The following PCED1B variants were observed in gnomAD, a reference collection of about 807,000 sequenced individuals.
The protein encoded by PCED1B is PC-esterase domain-containing protein 1B.
For missense variants in PCED1B, 573 were observed against 573.9 expected, an observed-to-expected ratio of 1.00 and a Z score of 0.02; for synonymous variants, 251 against 246.1, an observed-to-expected ratio of 1.02 and a Z score of -0.19.
At chr12:47,113,059 A>G (rs186857157) in intron 2 of PCED1B, among the ~76,000 whole-genome samples, 1 of 152,228 alleles carries the variant, frequency 6.6e-6, no homozygotes, top group Non-Finnish European at 1.5e-5. Context: ...ATTTAAAAAC[A>G]TACACAATCC....
At chr12:47,231,106 A>G (rs1489741791) in intron 3 of PCED1B, among the ~76,000 whole-genome samples, 1 of 152,224 alleles carries the variant, frequency 6.6e-6, no homozygotes, top group East Asian at 1.9e-4. Context: ...AATACTCTGT[A>G]GAGGGGCCGA....
chr12:47,207,963 G>A (rs1942960487), intron 2 of PCED1B, among the ~76,000 whole-genome samples: 1 of 152,014 alleles, frequency 6.6e-6, no homozygotes, highest in Non-Finnish European at 1.5e-5. Context: ...ATCAAGCTCT[G>A]TGAATGACAG....
At position 47,235,049 on chromosome 12, in the gene PCED1B, T is replaced by C; in HGVS notation, c.-15T>C. 6.6e-7 allele frequency: 1 copy of C among 1,521,528 alleles called. No homozygotes were observed. 94.3% of individuals were successfully genotyped at this position (1,521,528 alleles called of 1,614,324 possible). On this transcript the variant is annotated 5_prime_UTR_variant, in exon 4 of 4. Transcript: ENST00000546455. Reference sequence around the variant, plus strand: ...CTGTGCAAAGGAAGGAGCTAGGCTGTGCGCCCTGGGCGTCATGATCCTTCT... The same window carrying C: ...CTGTGCAAAGGAAGGAGCTAGGCTGCGCGCCCTGGGCGTCATGATCCTTCT...
chr12:47,212,236 G>A (rs1004850368), intron 2 of PCED1B, among the ~76,000 whole-genome samples: 3 of 152,084 alleles, frequency 2.0e-5, no homozygotes, highest in Non-Finnish European at 2.9e-5. Flanking sequence ...CTGAGATCAT[G>A]CCACTGCACT....
chr12:47,180,642 T>C (rs1025591932), intron 2 of PCED1B, among the ~76,000 whole-genome samples: 1 of 151,950 alleles, frequency 6.6e-6, no homozygotes, highest in African/African-American at 2.4e-5. Flanking sequence ...AAAGAAACCA[T>C]CATTAGAGTG....
intron 2 of PCED1B, among the ~76,000 whole-genome samples, chr12:47,114,819 T>C (rs939555292): frequency 4.6e-5 from 7 of 152,214 alleles, no homozygotes; most frequent in Non-Finnish European, 8.8e-5. Context: ...ATCATCTTAC[T>C]TCATGACACA....
At chr12:47,218,748 G>C (rs12313110) in intron 3 of PCED1B, among the ~76,000 whole-genome samples, 12,176 of 146,446 alleles carry the variant, frequency 0.083, 1,492 homozygotes, top group African/African-American at 0.28. Flanking sequence ...TCAAGCAATC[G>C]TCCCTCCTTG....
At chr12:47,170,360 C>G (rs1180806970) in intron 2 of PCED1B, among the ~76,000 whole-genome samples, 2 of 152,204 alleles carry the variant, frequency 1.3e-5, no homozygotes, top group African/African-American at 4.8e-5. Context: ...TGCTATTCGG[C>G]AAAACCGCCA....
chr12:47,187,051 TGGGGAG>T (rs775880746), intron 2 of PCED1B, among the ~76,000 whole-genome samples: 5 of 152,138 alleles, frequency 3.3e-5, no homozygotes, highest in Admixed American at 6.6e-5. Context: ...AAATGGCTCT[TGGGGAG>T]GTAGTGGGTA....
At chr12:47,160,643 C>A (rs1269663357) in intron 2 of PCED1B, among the ~76,000 whole-genome samples, 1 of 152,122 alleles carries the variant, frequency 6.6e-6, no homozygotes, top group Non-Finnish European at 1.5e-5. Flanking sequence ...TCCAAGAAAT[C>A]AGTGACAAAT....
At chr12:47,210,405 GATTA>G (rs1183777480) in intron 2 of PCED1B, 7 of 152,194 alleles carry the variant, frequency 4.6e-5, no homozygotes, top group Non-Finnish European at 1.0e-4. Flanking sequence ...TACAATTACA[GATTA>G]ATTAAACTAC....
intron 2 of PCED1B, among the ~76,000 whole-genome samples, chr12:47,127,873 T>G (rs1939958905): frequency 6.6e-6 from 1 of 152,188 alleles, no homozygotes; most frequent in Non-Finnish European, 1.5e-5. Flanking sequence ...TGATTGATAG[T>G]GTTGTTCAAG....
chr12:47,163,844 T>A (rs1385616856), intron 2 of PCED1B, among the ~76,000 whole-genome samples: 1 of 152,064 alleles, frequency 6.6e-6, no homozygotes, highest in Non-Finnish European at 1.5e-5. Flanking sequence ...GCTAAAAACA[T>A]GGTGGAGAAG....
In PCED1B at chr12:47,135,751, C is replaced by T. The variant is rs74083865; in HGVS notation, c.-526+31556C>T. 3 of 531,928 alleles carry T rather than the reference C, an allele frequency of 5.6e-6. No homozygotes were observed. The African/African-American group carries it at 5.8e-5, about 10-fold the overall frequency. 33.0% of individuals were successfully genotyped at this position (531,928 alleles called of 1,614,324 possible). On this transcript the variant is annotated intron_variant, in intron 2 of 3. Coordinates refer to ENST00000546455, the MANE Select transcript of PCED1B (RefSeq NM_138371.3). ...ACGACATGGTCGGGCACGGAGGTCT[C>T]ACTGCAGATGTGGATCATGGTGAAC...
chr12:47,213,347 T>A (rs962616665), intron 2 of PCED1B, among the ~76,000 whole-genome samples: 14 of 131,902 alleles, frequency 1.1e-4, no homozygotes, highest in African/African-American at 4.6e-4. Context: ...ATGTGGACTG[T>A]TTAAGTCAGA....
chr12:47,153,216 G>A (rs1010389098), intron 2 of PCED1B, among the ~76,000 whole-genome samples: 5 of 151,890 alleles, frequency 3.3e-5, no homozygotes, highest in South Asian at 4.2e-4. Context: ...TGGGTGTGGT[G>A]GCGGGCGCCT....
At chr12:47,179,515 T>A (rs1041553911) in intron 2 of PCED1B, among the ~76,000 whole-genome samples, 6 of 152,202 alleles carry the variant, frequency 3.9e-5, no homozygotes, top group Non-Finnish European at 8.8e-5. Flanking sequence ...ACTTTCCTTT[T>A]AAAATGCAGT....
intron 2 of PCED1B, among the ~76,000 whole-genome samples, chr12:47,162,850 CA>C (rs1941431043): frequency 6.6e-6 from 1 of 152,292 alleles, no homozygotes; most frequent in Admixed American, 6.5e-5. Flanking sequence ...TTGCAAGGGA[CA>C]AATATCCAAA....
At chr12:47,090,500 T>C (rs911892456) in intron 1 of PCED1B, among the ~76,000 whole-genome samples, 10 of 152,144 alleles carry the variant, frequency 6.6e-5, no homozygotes, top group Non-Finnish European at 1.3e-4. Context: ...TCATGTACCA[T>C]GCATAGAACC....
Sources: allele counts gnomAD v4.1 joint callset (sites outside exome capture counted in the v4.1 genomes callset), GRCh38; gene constraint gnomAD v4.1.1; transcripts MANE v1.5; gene names NCBI Gene and HGNC (gene_info 2026-07-23, HGNC 2026-07-21).